The following KCNT2 variants were observed in gnomAD, a reference collection of about 807,000 sequenced individuals.
The protein encoded by KCNT2 is potassium sodium-activated channel subfamily T member 2, also known as potassium channel subfamily T member 2.
A neutral mutation model predicts 153.8 loss-of-function variants in KCNT2; 67 were observed. The ratio of observed to expected loss-of-function variants is 0.44; its 90% CI spans 0.36 to 0.53. The LOEUF is 0.53. KCNT2 is among the 20% of genes least tolerant of loss of function. The pLI, the probability that KCNT2 is intolerant of heterozygous loss-of-function variation, is 0.00. For synonymous variants in KCNT2, 500 were observed against 458.8 expected, an observed-to-expected ratio of 1.09 and a Z score of -1.15; for missense variants, 975 against 1,354.8, an observed-to-expected ratio of 0.72 and a Z score of 4.40.
intron 13 of KCNT2, among the ~76,000 whole-genome samples, chr1:196,381,714 C>T (rs1319709171): frequency 6.6e-6 from 1 of 152,154 alleles, no homozygotes. Context: ...TGACCACTTG[C>T]TACCAGATGA....
At chr1:196,468,879 C>T in intron 6 of KCNT2, 115 bp downstream of exon 6, 3 of 681,392 alleles carry the variant, frequency 4.4e-6, no homozygotes, top group Non-Finnish European at 7.6e-6. Flanking sequence ...ATGATTCTAA[C>T]CAAAGTCTAA....
intron 1 of KCNT2, among the ~76,000 whole-genome samples, chr1:196,548,209 T>C (rs1657378061): frequency 6.6e-6 from 1 of 152,018 alleles, no homozygotes; most frequent in Non-Finnish European, 1.5e-5. Flanking sequence ...TTCTTTAAAG[T>C]ATTCCTTTAC....
chr1:196,586,847 T>C (rs1000978105), intron 1 of KCNT2, among the ~76,000 whole-genome samples: 1 of 152,136 alleles, frequency 6.6e-6, no homozygotes, highest in Non-Finnish European at 1.5e-5. Flanking sequence ...TGTGTCCACA[T>C]TGAATAATAA....
chr1:196,453,246 C>A (rs1026078666), intron 8 of KCNT2, among the ~76,000 whole-genome samples: 2 of 151,664 alleles, frequency 1.3e-5, no homozygotes, highest in Non-Finnish European at 2.9e-5. Flanking sequence ...GATCTGACTC[C>A]AATCACAGTA....
intron 8 of KCNT2, among the ~76,000 whole-genome samples, chr1:196,458,766 C>T (rs1410188887): frequency 6.6e-6 from 1 of 151,718 alleles, no homozygotes; most frequent in East Asian, 1.9e-4. Context: ...TCAATTTGTA[C>T]AACAAAATAT....
chr1:196,509,513 A>C (rs1681438166), intron 1 of KCNT2, among the ~76,000 whole-genome samples: 2 of 152,218 alleles, frequency 1.3e-5, no homozygotes, highest in South Asian at 4.1e-4. Context: ...AAAGTTCAAA[A>C]AAACTTTAAA....
chr1:196,437,474 A>T (rs1035627829), intron 8 of KCNT2, among the ~76,000 whole-genome samples: 1 of 145,246 alleles, frequency 6.9e-6, no homozygotes, highest in African/African-American at 2.5e-5. Context: ...TTTGTTTATT[A>T]TCCTATATCC....
intron 3 of KCNT2, among the ~76,000 whole-genome samples, chr1:196,484,758 C>T (rs1256583092): frequency 6.6e-6 from 1 of 151,976 alleles, no homozygotes; most frequent in East Asian, 1.9e-4. Flanking sequence ...AGCCAGTTTT[C>T]CCAGCACCAT....
intron 25 of KCNT2, 71 bp from the exon 26 acceptor site, chr1:196,258,565 T>G: frequency 8.8e-7 from 1 of 1,140,170 alleles, no homozygotes; most frequent in South Asian, 1.5e-5. Flanking sequence ...AAATAATATT[T>G]TATTTGCTAA....
chr1:196,488,331 G>A (rs1679594796), intron 3 of KCNT2, among the ~76,000 whole-genome samples: 1 of 151,818 alleles, frequency 6.6e-6, no homozygotes, highest in Non-Finnish European at 1.5e-5. Flanking sequence ...ACTAACCATG[G>A]GAGCTAAACA....
At chr1:196,414,754 C>T (rs1434221518) in intron 12 of KCNT2, among the ~76,000 whole-genome samples, 1 of 151,786 alleles carries the variant, frequency 6.6e-6, no homozygotes, top group Non-Finnish European at 1.5e-5. Flanking sequence ...TGTAATTCTC[C>T]ATGATTTTTC....
At chr1:196,235,885 A>G in intron 27 of KCNT2, 101 bp downstream of exon 27, 2 of 684,548 alleles carry the variant, frequency 2.9e-6, no homozygotes, top group Admixed American at 2.4e-5. Context: ...TTAAGCACTT[A>G]TAAGAAAAAT....
chr1:196,584,883 CA>C (rs1306369129), intron 1 of KCNT2, among the ~76,000 whole-genome samples: 5 of 151,910 alleles, frequency 3.3e-5, no homozygotes, highest in Non-Finnish European at 4.4e-5. Flanking sequence ...GGGTTCCAAA[CA>C]AAACATTTTG....
Position 196,449,205 on chromosome 1 carries a change from T to C in KCNT2, c.638+16088A>G, listed in dbSNP as rs111911223. Among the ~76,000 whole-genome samples, 1,359 of 151,838 alleles carry C rather than the reference T, an allele frequency of 9.0e-3. 17 individuals are homozygous for C. The highest frequency in any genetic ancestry group is 0.029 in the African/African-American group (1,197 of 41,484). On this transcript the variant is annotated intron_variant, in intron 8 of 27. Coordinates refer to ENST00000294725, the MANE Select transcript of KCNT2 (RefSeq NM_198503.5). ...TAATTATAAAGCAGAGAATTGAAAG[T>C]GGTTTTCCACCTTCACAGTAGGCAC...
chr1:196,297,937 C>T (rs965633038), intron 22 of KCNT2, among the ~76,000 whole-genome samples: 3 of 152,074 alleles, frequency 2.0e-5, no homozygotes, highest in Admixed American at 6.6e-5. Context: ...GCATTTGGCT[C>T]GTAGTATGTG....
chr1:196,330,353 T>C (rs1241136405), intron 18 of KCNT2, among the ~76,000 whole-genome samples: 3 of 151,938 alleles, frequency 2.0e-5, no homozygotes, highest in Non-Finnish European at 1.5e-5. Context: ...ATTAAAATAA[T>C]ATCCACTTTA....
At chr1:196,567,198 A>G (rs1245825208) in intron 1 of KCNT2, among the ~76,000 whole-genome samples, 1 of 151,410 alleles carries the variant, frequency 6.6e-6, no homozygotes, top group African/African-American at 2.4e-5. Flanking sequence ...CTCCTCCTCT[A>G]CTTGAACGTT....
At chr1:196,591,240 TC>T (rs1375975294) in intron 1 of KCNT2, among the ~76,000 whole-genome samples, 1 of 152,030 alleles carries the variant, frequency 6.6e-6, no homozygotes, top group African/African-American at 2.4e-5. Flanking sequence ...TCTCTCTTGC[TC>T]CCTCTCTTGC....
At chr1:196,571,597 A>G (rs1436319440) in intron 1 of KCNT2, among the ~76,000 whole-genome samples, 2 of 152,156 alleles carry the variant, frequency 1.3e-5, no homozygotes, top group East Asian at 1.9e-4. Flanking sequence ...TCTATTGTGG[A>G]ACACTTGTCT....
Sources: gnomAD v4.1 joint callset for allele counts (sites outside exome capture counted in the v4.1 genomes callset) on GRCh38, gnomAD v4.1.1 for gene constraint, MANE v1.5 for transcripts, NCBI Gene and HGNC (gene_info 2026-07-23, HGNC 2026-07-21) for gene names.